Variants in WDR72 observed in about 807,000 individuals in gnomAD.
The protein encoded by WDR72 is WD repeat domain 72, also known as WD repeat-containing protein 72.
Under a neutral mutation model 124.2 loss-of-function variants are expected in WDR72, and 120 were observed. That is an observed-to-expected ratio of 0.97 (90% CI 0.83 to 1.12). The LOEUF (loss-of-function observed/expected upper bound fraction) is 1.12, where lower values mean the gene tolerates loss of function less well. Ranked by LOEUF, WDR72 falls within the 50% of genes most tolerant of loss-of-function variation. The pLI, the probability that WDR72 is intolerant of heterozygous loss-of-function variation, is 0.00. For synonymous variants in WDR72, 452 were observed against 441.7 expected (o/e 1.02, Z -0.29); for missense variants, 1,387 against 1,278.8 (o/e 1.08, Z -1.29).
intron 18 of WDR72, among the ~76,000 whole-genome samples, chr15:53,544,915 G>A (rs1412035880): frequency 1.3e-5 from 2 of 149,852 alleles, no homozygotes; most frequent in East Asian, 3.9e-4. Context: ...ATTCACAATT[G>A]CTTCAAAGAG....
chr15:53,596,577 G>A (rs1006667478), intron 18 of WDR72, among the ~76,000 whole-genome samples: 8 of 152,096 alleles, frequency 5.3e-5, no homozygotes, highest in African/African-American at 1.9e-4. Context: ...TATGATTAGG[G>A]TATTCCTGTA....
chr15:53,604,310 C>A (rs1256246798), intron 17 of WDR72, among the ~76,000 whole-genome samples: 1 of 152,164 alleles, frequency 6.6e-6, no homozygotes, highest in African/African-American at 2.4e-5. Context: ...CCCTTCCTTA[C>A]ACCATATACA....
intron 14 of WDR72, among the ~76,000 whole-genome samples, chr15:53,658,027 A>G (rs1254939279): frequency 6.6e-6 from 1 of 152,234 alleles, no homozygotes; most frequent in African/African-American, 2.4e-5. Context: ...GGCATTTTCC[A>G]TGTTAAAAAA....
intron 14 of WDR72, among the ~76,000 whole-genome samples, chr15:53,637,927 T>C (rs1224386351): frequency 6.6e-6 from 1 of 152,194 alleles, no homozygotes; most frequent in Non-Finnish European, 1.5e-5. Context: ...CATGTCTGAT[T>C]CCTTCAATGG....
In WDR72 at chr15:53,514,568, C is replaced by T. The variant is rs1404448346; in HGVS notation, c.*3131G>A. ...AGAAATAAAAGTCACCAAATGCTATCATCTAAAGATAGAATATTAATATTT... is the reference window on the plus strand; with the variant it reads ...AGAAATAAAAGTCACCAAATGCTATTATCTAAAGATAGAATATTAATATTT... On this transcript the variant is annotated 3_prime_UTR_variant, in exon 20 of 20. Transcript: ENST00000360509. 1 of 152,116 alleles carries T rather than the reference C, an allele frequency of 6.6e-6. No homozygotes were observed. Among genetic ancestry groups the T allele is most frequent in the Non-Finnish European group, 1.5e-5 (1 of 68,028 alleles). 9.4% of individuals were successfully genotyped at this position (152,116 alleles called of 1,614,324 possible). A position where few individuals can be genotyped will look rare whatever the true frequency, so the allele number is the denominator to read the frequency against.
At chr15:53,679,183 A>C (rs1567021928) in intron 13 of WDR72, among the ~76,000 whole-genome samples, 1 of 152,222 alleles carries the variant, frequency 6.6e-6, no homozygotes, top group Non-Finnish European at 1.5e-5. Context: ...ATTACTGTTC[A>C]GTGGGTATGG....
Position 53,701,559 on chromosome 15 carries a change from TCA to T in WDR72, c.1569+573_1569+574del, listed in dbSNP as rs58047374. ...CTGTCTCTCTCTCTCTCTCTCTCTC[TCA>T]CACACACACACACACACACACACAC... On this transcript the variant is annotated intron_variant, in intron 12 of 19. Coordinates refer to ENST00000360509, the MANE Select transcript of WDR72 (RefSeq NM_182758.4). Among the ~76,000 whole-genome samples the T allele has an allele frequency of 1.5e-3, 176 of 120,118 alleles. 3 individuals carry two copies. Among genetic ancestry groups the T allele is most frequent in the Non-Finnish European group, 1.7e-3 (96 of 57,252 alleles). The allele number at this position is 120,118 out of a possible 152,430, so 78.8% of individuals were successfully genotyped here. A position where few individuals can be genotyped will look rare whatever the true frequency, so the allele number is the denominator to read the frequency against.
At chr15:53,600,795 T>A (rs2013010969) in intron 17 of WDR72, among the ~76,000 whole-genome samples, 1 of 152,176 alleles carries the variant, frequency 6.6e-6, no homozygotes, top group African/African-American at 2.4e-5. Context: ...GGCCTACATT[T>A]CATGATGTGT....
chr15:53,761,951 G>A (rs528009322), upstream of WDR72, among the ~76,000 whole-genome samples: 3 of 152,238 alleles, frequency 2.0e-5, no homozygotes, highest in African/African-American at 4.8e-5. Context: ...CTAGCCTGTT[G>A]TGAATAGACT....
chr15:53,724,998 G>T (rs1595875700), intron 2 of WDR72, among the ~76,000 whole-genome samples: 4 of 151,922 alleles, frequency 2.6e-5, no homozygotes, highest in African/African-American at 9.6e-5. Flanking sequence ...AATAAGAAAA[G>T]ATCAAGAAAA....
chr15:53,627,494 T>C (rs1227422376), intron 14 of WDR72, among the ~76,000 whole-genome samples: 3 of 152,208 alleles, frequency 2.0e-5, no homozygotes, highest in African/African-American at 4.8e-5. Flanking sequence ...CTAACAGTGA[T>C]AGCAGAACTC....
At chr15:53,761,493 A>G (rs1167346359), upstream of WDR72, among the ~76,000 whole-genome samples, 1 of 152,188 alleles carries the variant, frequency 6.6e-6, no homozygotes, top group Admixed American at 6.5e-5. Flanking sequence ...AAAGAAATCA[A>G]TATATCCAAG....
In WDR72 at chr15:53,690,072, G is replaced by C. The variant is rs189025164; in HGVS notation, c.1765+9678C>G. ...CACACTCTGGGGACTGTTGTGGGGT[G>C]GGGGGAGGGGGGAGGGATAGCACTG... is the stretch of plus-strand genomic sequence containing the variant. On this transcript the variant is annotated intron_variant, in intron 13 of 19. Transcript: ENST00000360509. Among the ~76,000 whole-genome samples, 6 of 123,772 alleles carry C rather than the reference G, an allele frequency of 4.8e-5. No individual in the cohort carries two copies. The East Asian group carries it at 8.5e-4, about 18-fold the overall frequency. The allele number at this position is 123,772 out of a possible 152,430, so 81.2% of individuals were successfully genotyped here.
At chr15:53,524,762 A>G (rs1892014226) in intron 18 of WDR72, among the ~76,000 whole-genome samples, 1 of 152,110 alleles carries the variant, frequency 6.6e-6, no homozygotes, top group African/African-American at 2.4e-5. Context: ...GGAACAAAAT[A>G]TAAGAAAAGC....
intron 18 of WDR72, among the ~76,000 whole-genome samples, chr15:53,533,341 A>C (rs1181205349): frequency 1.3e-5 from 2 of 150,848 alleles, no homozygotes; most frequent in African/African-American, 4.9e-5. Context: ...ATATATACCT[A>C]TGACTGTCAT....
chr15:53,632,651 G>T (rs1239758459), intron 14 of WDR72, among the ~76,000 whole-genome samples: 1 of 152,234 alleles, frequency 6.6e-6, no homozygotes, highest in Non-Finnish European at 1.5e-5. Context: ...CAGCTGTGGG[G>T]GCTGAACCCT....
At chr15:53,528,348 G>T (rs1034914097) in intron 18 of WDR72, among the ~76,000 whole-genome samples, 1 of 152,088 alleles carries the variant, frequency 6.6e-6, no homozygotes, top group South Asian at 2.1e-4. Flanking sequence ...TTTGTCTTCA[G>T]TGTGAACTGG....
At chr15:53,533,581 G>A (rs527686423) in intron 18 of WDR72, among the ~76,000 whole-genome samples, 195 of 152,178 alleles carry the variant, frequency 1.3e-3, no homozygotes, top group Middle Eastern at 0.01. Flanking sequence ...TGGAGCCATG[G>A]ATTTCACAGC....
chr15:53,676,084 A>G (rs996293745), intron 13 of WDR72, among the ~76,000 whole-genome samples: 1 of 152,146 alleles, frequency 6.6e-6, no homozygotes, highest in South Asian at 2.1e-4. Context: ...GTAAAATTCA[A>G]TACCATATTA....
Sources: allele counts gnomAD v4.1 joint callset (sites outside exome capture counted in the v4.1 genomes callset), GRCh38; gene constraint gnomAD v4.1.1; transcripts MANE v1.5; gene names NCBI Gene and HGNC (gene_info 2026-07-23, HGNC 2026-07-21).